B4GALNT3: variants seen among roughly 807,000 people sequenced by gnomAD.
B4GALNT3 encodes beta-1,4-N-acetyl-galactosaminyltransferase 3.
A neutral mutation model predicts 120.2 loss-of-function variants in B4GALNT3; 86 were observed. The observed-to-expected ratio is 0.72, with a 90% confidence interval of 0.60 to 0.86. The LOEUF (loss-of-function observed/expected upper bound fraction) is 0.86, where lower values mean the gene tolerates loss of function less well. Ranked by LOEUF, B4GALNT3 falls within the 40% of genes least tolerant of loss-of-function variation. The pLI is 0.00. For synonymous variants in B4GALNT3, 518 were observed against 510.4 expected, an observed-to-expected ratio of 1.01 and a Z score of -0.20; for missense variants, 1,167 against 1,298.9, an observed-to-expected ratio of 0.90 and a Z score of 1.56.
At chr12:521,440 C>T (rs1021208432) in intron 1 of B4GALNT3, among the ~76,000 whole-genome samples, 2 of 152,118 alleles carry the variant, frequency 1.3e-5, no homozygotes, top group East Asian at 1.9e-4. Context: ...GGGGCCCAGT[C>T]GTGTGGTTCT....
chr12:535,287 C>T lies in B4GALNT3; in HGVS notation c.273+18C>T. ...GCCTCGAGGTAGGTGACCAGCCAGT[C>T]CATTGTCCCTGCTGATGCCTTAACA... On this transcript the variant is annotated intron_variant, in intron 2 of 19. Coordinates refer to ENST00000266383, the MANE Select transcript of B4GALNT3 (RefSeq NM_173593.4). The T allele has an allele frequency of 6.2e-7, 1 of 1,606,772 alleles. No individual in the cohort carries two copies. Among genetic ancestry groups the T allele is most frequent in the Non-Finnish European group, 8.5e-7 (1 of 1,173,732 alleles).
At chr12:508,156 G>T (rs1388489328) in intron 1 of B4GALNT3, among the ~76,000 whole-genome samples, 2 of 152,270 alleles carry the variant, frequency 1.3e-5, no homozygotes, top group African/African-American at 2.4e-5. Context: ...GGCCCTGCCA[G>T]CCCAGACCTG....
chr12:512,269 T>TCTTCCACCTTCTTCCAC (rs1946588424), intron 1 of B4GALNT3, among the ~76,000 whole-genome samples: 1 of 33,680 alleles, frequency 3.0e-5, no homozygotes. Context: ...TCTTCCACCT[T>TCTTCCACCTTCTTCCAC]CTTCCACCTT....
At chr12:527,478 G>T (rs1055931518) in intron 1 of B4GALNT3, among the ~76,000 whole-genome samples, 1 of 152,252 alleles carries the variant, frequency 6.6e-6, no homozygotes, top group Non-Finnish European at 1.5e-5. Context: ...GAAGCTGGGG[G>T]AAAGGACAGC....
At chr12:541,629 G>A (rs1946916624) in intron 3 of B4GALNT3, among the ~76,000 whole-genome samples, 1 of 152,182 alleles carries the variant, frequency 6.6e-6, no homozygotes, top group African/African-American at 2.4e-5. Flanking sequence ...TGAGAGTGGG[G>A]TGAAGCATGG....
chr12:556,943 C>G, intron 15 of B4GALNT3, 77 bp downstream of exon 15: 1 of 1,430,990 alleles, frequency 7.0e-7, no homozygotes, highest in East Asian at 2.4e-5. Flanking sequence ...TCTGCTTGCA[C>G]TGATTTGATC....
chr12:545,546 A>G, intron 6 of B4GALNT3, 77 bp downstream of exon 6: 1 of 1,360,522 alleles, frequency 7.4e-7, no homozygotes, highest in Non-Finnish European at 1.0e-6. Flanking sequence ...GCTGCTCATT[A>G]CTGTTAGCAT....
In B4GALNT3 at chr12:546,682, A is replaced by G; in HGVS notation, c.676A>G (p.Lys226Glu). 1.3e-6 allele frequency: 2 copies of G among 1,551,462 alleles called. No individual in the cohort carries two copies. The highest frequency in any genetic ancestry group is 1.7e-6 in the Non-Finnish European group (2 of 1,146,912). ...KEWTAPGEFG[K>E]FRSQISKPVS... ...GTGGACCGCCCCGGGAGAGTTTGGG[A>G]AATTTCGGAGCCAAATTTCCAAGCC... The change falls in exon 7 of 20, where the codon AAA (lysine) becomes GAA (glutamate). Residue 226 changes from lysine (K) to glutamate (E), a missense_variant. By Grantham distance (56) the Lys-to-Glu change is moderately conservative. Around this residue, in one of 3 missense-constraint regions of B4GALNT3, gnomAD observed 983 missense variants for 1,102.5 expected, o/e 0.89. Coordinates refer to ENST00000266383, the MANE Select transcript of B4GALNT3 (RefSeq NM_173593.4).
intron 1 of B4GALNT3, among the ~76,000 whole-genome samples, chr12:520,649 CTAATAGTA>C (rs1946700593): frequency 1.5e-5 from 1 of 66,560 alleles, no homozygotes; most frequent in Non-Finnish European, 3.0e-5. Context: ...GGGATTGTGA[CTAATAGTA>C]TCTGAACTAA....
chr12:526,268 C>T (rs1405437154), intron 1 of B4GALNT3, among the ~76,000 whole-genome samples: 1 of 152,236 alleles, frequency 6.6e-6, no homozygotes, highest in African/African-American at 2.4e-5. Context: ...TTCACTGACT[C>T]ATTTGCTCAT....
chr12:561,474 A>G lies in B4GALNT3; in HGVS notation c.*23A>G, dbSNP rs770708545. The G allele has an allele frequency of 2.6e-6, 4 of 1,560,492 alleles. No individual in the cohort carries two copies. The African/African-American group carries it at 5.4e-5, about 21-fold the overall frequency. ...TAGCCGGAGGGTGTCCGCGGGGCCC[A>G]GCACTCCCCGCTCTGGACTAGCAGT... On this transcript the variant is annotated 3_prime_UTR_variant, in exon 20 of 20. Coordinates refer to ENST00000266383, the MANE Select transcript of B4GALNT3 (RefSeq NM_173593.4).
intron 1 of B4GALNT3, among the ~76,000 whole-genome samples, chr12:490,703 G>C (rs1023621990): frequency 1.3e-5 from 2 of 150,534 alleles, no homozygotes; most frequent in Non-Finnish European, 2.9e-5. Flanking sequence ...ACTCCAGCCT[G>C]GGTGACAGAG....
intron 1 of B4GALNT3, among the ~76,000 whole-genome samples, chr12:511,597 C>CCTT (rs1555154955): frequency 8.3e-6 from 1 of 119,820 alleles, no homozygotes; most frequent in African/African-American, 2.7e-5. Context: ...CCACCTTCCG[C>CCTT]CTTCCACCTT....
At chr12:522,051 C>T (rs897227102) in intron 1 of B4GALNT3, among the ~76,000 whole-genome samples, 1 of 151,994 alleles carries the variant, frequency 6.6e-6, no homozygotes, top group African/African-American at 2.4e-5. Flanking sequence ...CCACCCAAGG[C>T]TTCCCAGACT....
At chr12:558,769 G>C in intron 18 of B4GALNT3, 108 bp downstream of exon 18, 1 of 1,188,300 alleles carries the variant, frequency 8.4e-7, no homozygotes, top group Non-Finnish European at 1.2e-6. Context: ...CTCCTCCCCT[G>C]CCCCACCCTG....
chr12:462,747 C>CT (rs1161672670), intron 1 of B4GALNT3, among the ~76,000 whole-genome samples: 1 of 152,134 alleles, frequency 6.6e-6, no homozygotes, highest in Non-Finnish European at 1.5e-5. Context: ...ATATTCTACT[C>CT]TCGATTTCCC....
At chr12:557,928 C>A in intron 16 of B4GALNT3, 88 bp from the exon 17 acceptor site, 1 of 1,508,680 alleles carries the variant, frequency 6.6e-7, no homozygotes, top group Non-Finnish European at 9.2e-7. Context: ...CAGGAGCACA[C>A]ATCATCTCTC....
chr12:545,037 C>T, intron 5 of B4GALNT3, 65 bp downstream of exon 5: 2 of 1,583,952 alleles, frequency 1.3e-6, no homozygotes, highest in Middle Eastern at 1.7e-4. Context: ...ACCCAAAGAA[C>T]ATAAGATAAG....
At chr12:514,898 G>A (rs1425551107) in intron 1 of B4GALNT3, among the ~76,000 whole-genome samples, 1 of 152,010 alleles carries the variant, frequency 6.6e-6, no homozygotes, top group African/African-American at 2.4e-5. Context: ...GCTTGGTGGT[G>A]GGAGCCTGTA....
Sources: allele counts gnomAD v4.1 joint callset (sites outside exome capture counted in the v4.1 genomes callset), GRCh38; gene constraint gnomAD v4.1.1; regional missense constraint gnomAD v4.1.1; transcripts MANE v1.5; gene names NCBI Gene and HGNC (gene_info 2026-07-23, HGNC 2026-07-21).